AADAT: variants seen among roughly 807,000 people sequenced by gnomAD.
The protein encoded by AADAT is kynurenine/alpha-aminoadipate aminotransferase, mitochondrial.
A neutral mutation model predicts 56.2 loss-of-function variants in AADAT; 25 were observed. The observed-to-expected ratio is 0.44, with a 90% CI of 0.32 to 0.62. The LOEUF is 0.62. AADAT is among the 20% of genes least tolerant of loss of function. The pLI, the probability that AADAT is intolerant of heterozygous loss-of-function variation, is 0.04. For missense variants in AADAT, 387 were observed against 510.5 expected, an observed-to-expected ratio of 0.76 and a Z score of 2.33; for synonymous variants, 173 against 164.7, an observed-to-expected ratio of 1.05 and a Z score of -0.39.
chr4:170,073,859 T>C (rs1241914457), intron 4 of AADAT, among the ~76,000 whole-genome samples: 1 of 152,222 alleles, frequency 6.6e-6, no homozygotes, highest in Non-Finnish European at 1.5e-5. Context: ...TATATAATTC[T>C]TTCTTGCCCC....
chr4:170,073,389 T>C, intron 4 of AADAT, 44 bp from the exon 5 acceptor site: 2 of 1,525,970 alleles, frequency 1.3e-6, no homozygotes, highest in Middle Eastern at 3.5e-4. Context: ...TGATTACAAA[T>C]GTAAGTGCTA....
intron 10 of AADAT, 75 bp downstream of exon 10, chr4:170,066,339 G>T: frequency 8.1e-7 from 1 of 1,227,462 alleles, no homozygotes; most frequent in Non-Finnish European, 1.2e-6. Flanking sequence ...AGGATTGTTA[G>T]TAATATTCAG....
upstream of AADAT, among the ~76,000 whole-genome samples, chr4:170,093,051 T>C (rs1732916074): frequency 1.3e-5 from 2 of 150,728 alleles, no homozygotes; most frequent in African/African-American, 2.4e-5. Context: ...TAACTAGATA[T>C]GTTGATGTTC....
intron 3 of AADAT, among the ~76,000 whole-genome samples, chr4:170,086,350 TC>T (rs1357937463): frequency 6.6e-6 from 1 of 151,876 alleles, no homozygotes; most frequent in Non-Finnish European, 1.5e-5. Context: ...TCTGTGGAGT[TC>T]CCGGAACCCA....
intron 4 of AADAT, among the ~76,000 whole-genome samples, chr4:170,074,781 T>C (rs957285616): frequency 1.3e-5 from 2 of 152,094 alleles, no homozygotes; most frequent in Non-Finnish European, 2.9e-5. Flanking sequence ...ATTTTACCAA[T>C]TGCTAAGGCT....
chr4:170,072,755 T>C (rs1158208612), intron 5 of AADAT, among the ~76,000 whole-genome samples: 1 of 152,172 alleles, frequency 6.6e-6, no homozygotes, highest in African/African-American at 2.4e-5. Context: ...ATGCCTCTCA[T>C]TTTTAAAGAA....
At chr4:170,081,757 C>G (rs1327331964) in intron 3 of AADAT, among the ~76,000 whole-genome samples, 1 of 152,112 alleles carries the variant, frequency 6.6e-6, no homozygotes, top group Non-Finnish European at 1.5e-5. Context: ...CCAGGCTGGG[C>G]TCGAACTCCT....
At chr4:170,079,351 T>C (rs764779450) in intron 3 of AADAT, among the ~76,000 whole-genome samples, 3 of 152,140 alleles carry the variant, frequency 2.0e-5, no homozygotes, top group Non-Finnish European at 4.4e-5. Flanking sequence ...AGACCAACCA[T>C]GTAGGCATTT....
chr4:170,069,273 G>A (rs996675844), intron 6 of AADAT, 43 bp from the exon 7 acceptor site: 16 of 1,486,924 alleles, frequency 1.1e-5, no homozygotes, highest in Non-Finnish European at 1.5e-5. Context: ...TGAAAGCTCT[G>A]TTAGTCACTG....
chr4:170,088,316 T>G, intron 2 of AADAT, 80 bp downstream of exon 2: 6 of 1,357,410 alleles, frequency 4.4e-6, no homozygotes, highest in Non-Finnish European at 6.0e-6. Context: ...GAATATTTCT[T>G]TAATATTCTT....
At chr4:170,087,997 T>A (rs746646567) in intron 2 of AADAT, among the ~76,000 whole-genome samples, 4 of 150,632 alleles carry the variant, frequency 2.7e-5, no homozygotes, top group South Asian at 2.1e-4. Flanking sequence ...AAGTTGAAGC[T>A]TCCTGGATCT....
At chr4:170,066,203 C>A (rs17546531) in intron 10 of AADAT, among the ~76,000 whole-genome samples, 9,002 of 150,912 alleles carry the variant, frequency 0.06, 291 homozygotes, top group Middle Eastern at 0.089. Flanking sequence ...ATCACAAATT[C>A]TTTGCAGCAG....
chr4:170,080,152 C>T (rs1732226085), intron 3 of AADAT, among the ~76,000 whole-genome samples: 1 of 152,094 alleles, frequency 6.6e-6, no homozygotes, highest in Non-Finnish European at 1.5e-5. Context: ...TCCCACAAAA[C>T]CACTAACAAA....
chr4:170,086,411 C>A (rs1453200339), intron 3 of AADAT, among the ~76,000 whole-genome samples: 1 of 151,392 alleles, frequency 6.6e-6, no homozygotes, highest in Non-Finnish European at 1.5e-5. Context: ...GGAGAGAGAA[C>A]CAATCCATAT....
At chr4:170,088,710 C>G in intron 1 of AADAT, 146 bp from the exon 2 acceptor site, 1 of 806,406 alleles carries the variant, frequency 1.2e-6, no homozygotes, top group African/African-American at 1.7e-5. Flanking sequence ...GGTGCTCCCC[C>G]AGATTCATAC....
chr4:170,085,554 C>A (rs924943497), intron 3 of AADAT, among the ~76,000 whole-genome samples: 2 of 152,152 alleles, frequency 1.3e-5, no homozygotes, highest in African/African-American at 4.8e-5. Context: ...ATGCTATCTT[C>A]CTTTTTTGTG....
chr4:170,073,437 C>T, intron 4 of AADAT, 92 bp from the exon 5 acceptor site: 2 of 1,076,170 alleles, frequency 1.9e-6, no homozygotes, highest in Non-Finnish European at 2.6e-6. Context: ...AGAACTTGCT[C>T]ATTCATACCC....
Position 170,060,299 on chromosome 4 carries a change from C to T in AADAT, c.*629G>A, listed in dbSNP as rs1398578662. On this transcript the variant is annotated 3_prime_UTR_variant, in exon 13 of 13. Coordinates refer to ENST00000337664, the MANE Select transcript of AADAT (RefSeq NM_016228.4). Reference sequence around the variant, plus strand: ...GGTTTATGGTACTTTTACTAAAAGTCACTTATAATGACCAAATTATAACAA... The same window carrying T: ...GGTTTATGGTACTTTTACTAAAAGTTACTTATAATGACCAAATTATAACAA... 1.3e-5 allele frequency: 2 copies of T among 151,818 alleles called. No individual in the cohort carries two copies. Among genetic ancestry groups the T allele is most frequent in the Non-Finnish European group, 2.9e-5 (2 of 67,860 alleles). 9.4% of individuals were successfully genotyped at this position (151,818 alleles called of 1,614,324 possible).
At position 170,084,909 on chromosome 4, in the gene AADAT, T is replaced by G. The variant is rs140936256; in HGVS notation, c.369+2207A>C. On this transcript the variant is annotated intron_variant, in intron 3 of 12. Transcript: ENST00000337664. ...ATCCTTGAACAACATAGATTTGAAC[T>G]GCACAGGTTCACTTACACGCACAGT... 2.0e-5 allele frequency among the ~76,000 whole-genome samples: 3 copies of G among 152,330 alleles called. No individual in the cohort carries two copies. In the East Asian group the frequency reaches 5.8e-4, roughly 29 times the overall value.
Sources: allele counts gnomAD v4.1 joint callset (sites outside exome capture counted in the v4.1 genomes callset), GRCh38; gene constraint gnomAD v4.1.1; transcripts MANE v1.5; gene names NCBI Gene and HGNC (gene_info 2026-07-23, HGNC 2026-07-21).